Variants in MAP4 observed in about 807,000 individuals in gnomAD.
MAP4 encodes the protein microtubule associated protein 4, also known as microtubule-associated protein 4.
In MAP4, 76 loss-of-function variants were observed where a neutral mutation model predicts 170.2. That is an observed-to-expected ratio of 0.45 (90% CI 0.37 to 0.54). The LOEUF (loss-of-function observed/expected upper bound fraction) is 0.54, where lower values mean the gene tolerates loss of function less well. Ranked by LOEUF, MAP4 falls within the 20% of genes least tolerant of loss-of-function variation. MAP4 has a pLI of 0.00. For synonymous variants in MAP4, 909 were observed against 994.5 expected, an observed-to-expected ratio of 0.91 and a Z score of 1.62; for missense variants, 2,506 against 2,748.0, an observed-to-expected ratio of 0.91 and a Z score of 1.97.
chr3:47,883,931 T>C (rs1178042039), intron 10 of MAP4, among the ~76,000 whole-genome samples: 1 of 152,242 alleles, frequency 6.6e-6, no homozygotes, highest in Non-Finnish European at 1.5e-5. Context: ...TTTTTGTCTT[T>C]AGTTTATAAA....
chr3:48,020,886 G>T (rs146105517), upstream of MAP4, among the ~76,000 whole-genome samples: 798 of 151,846 alleles, frequency 5.3e-3, 2 homozygotes, highest in Middle Eastern at 0.027. Flanking sequence ...ACAGCTTCAA[G>T]CTCCTGGGCT....
At chr3:47,891,002 G>A in intron 10 of MAP4, 1 of 1,452,528 alleles carries the variant, frequency 6.9e-7, no homozygotes, top group African/African-American at 1.4e-5. Flanking sequence ...GTTCCCAATG[G>A]AGGCAAAATT....
chr3:47,975,501 G>A (rs772213904), intron 3 of MAP4: 1 of 1,427,184 alleles, frequency 7.0e-7, no homozygotes. Flanking sequence ...GGAAGAAGTA[G>A]GAAGGGGAAG....
At chr3:48,007,372 T>G (rs185991755) in intron 1 of MAP4, among the ~76,000 whole-genome samples, 12 of 152,292 alleles carry the variant, frequency 7.9e-5, no homozygotes, top group Admixed American at 7.8e-4. Context: ...CATATTTGGA[T>G]TTTGGAAGCA....
In MAP4 at chr3:47,910,215, A is replaced by G. The variant is rs749484065; in HGVS notation, c.4206T>C (p.Ile1402=). The G allele has an allele frequency of 3.1e-6, 5 of 1,612,406 alleles. No individual in the cohort carries two copies. The South Asian group carries it at 5.5e-5, about 18-fold the overall frequency. The stretch of plus-strand genomic sequence containing the variant: ...TTTCGTCCATATAGGCCATTCCTTC[A>G]ATTCCCTGGTCCCCTGTGGTTTCCA... ...VPMETTGDQG[I]EGMAYMDENR... is the part of the protein sequence containing the mutation. The change falls in exon 9 of 21, where the codon ATT becomes ATC. Residue 1402 remains isoleucine (I), a synonymous_variant. Coordinates refer to ENST00000683076, the MANE Select transcript of MAP4 (RefSeq NM_001385682.1).
intron 1 of MAP4, among the ~76,000 whole-genome samples, chr3:48,021,948 A>G (rs1172776650): frequency 6.6e-6 from 1 of 152,230 alleles, no homozygotes; most frequent in Non-Finnish European, 1.5e-5. Flanking sequence ...AATCACCAAG[A>G]AAGAGGCCAA....
At chr3:47,871,443 T>G (rs2092651151) in intron 13 of MAP4, among the ~76,000 whole-genome samples, 157 bp from the exon 14 acceptor site, 1 of 152,190 alleles carries the variant, frequency 6.6e-6, no homozygotes, top group Admixed American at 6.5e-5. Context: ...AATTAGATGG[T>G]CAGGCACTGA....
At chr3:47,854,101 A>AATTAAAAAC (rs2049922298) in intron 19 of MAP4, among the ~76,000 whole-genome samples, 2 of 152,194 alleles carry the variant, frequency 1.3e-5, no homozygotes, top group African/African-American at 4.8e-5. Context: ...GCATAGTGAG[A>AATTAAAAAC]AATAGGCCTC....
At position 47,984,840 on chromosome 3, in the gene MAP4, G is replaced by A. The variant is rs62260782; in HGVS notation, c.224-6907C>T. 7.6e-4 allele frequency among the ~76,000 whole-genome samples: 116 copies of A among 151,870 alleles called. 1 individual carries two copies. Among genetic ancestry groups the A allele is most frequent in the African/African-American group, 2.7e-3 (110 of 41,398 alleles). On this transcript the variant is annotated intron_variant, in intron 2 of 20. Transcript: ENST00000683076. Reference sequence around the variant, plus strand: ...AAAAATTAGCCAGGTGTGGTGGCACGCACCTGTAATCCCAGCTACTCAGGA... The same window carrying A: ...AAAAATTAGCCAGGTGTGGTGGCACACACCTGTAATCCCAGCTACTCAGGA...
chr3:48,053,609 G>A (rs2100129063), intron 1 of MAP4, among the ~76,000 whole-genome samples: 1 of 152,080 alleles, frequency 6.6e-6, no homozygotes, highest in Non-Finnish European at 1.5e-5. Flanking sequence ...GACTAAATCT[G>A]ATTTACTTCT....
chr3:47,995,066 C>T (rs2154358492), intron 2 of MAP4, among the ~76,000 whole-genome samples: 1 of 151,980 alleles, frequency 6.6e-6, no homozygotes, highest in South Asian at 2.1e-4. Context: ...ATTTGTTTTA[C>T]CGTACATCCC....
At chr3:47,887,455 C>G (rs955810163) in intron 10 of MAP4, among the ~76,000 whole-genome samples, 2 of 152,220 alleles carry the variant, frequency 1.3e-5, no homozygotes, top group Admixed American at 1.3e-4. Context: ...GGGCAGGGCT[C>G]GGGACCTGCA....
At chr3:48,036,764 C>T (rs2100118959) in intron 1 of MAP4, among the ~76,000 whole-genome samples, 1 of 152,154 alleles carries the variant, frequency 6.6e-6, no homozygotes, top group African/African-American at 2.4e-5. Context: ...GTGAAGGCGG[C>T]TGATGTAAAC....
intron 2 of MAP4, among the ~76,000 whole-genome samples, chr3:47,989,117 G>A (rs1247772815): frequency 6.6e-6 from 1 of 152,086 alleles, no homozygotes; most frequent in African/African-American, 2.4e-5. Context: ...AGCCAGAACA[G>A]GGGTTTAAAA....
intron 1 of MAP4, among the ~76,000 whole-genome samples, chr3:48,068,585 C>A (rs901513281): frequency 1.3e-5 from 2 of 151,810 alleles, no homozygotes; most frequent in Non-Finnish European, 2.9e-5. Context: ...GAGTTCCAGA[C>A]CAGCCCGGCC....
intron 1 of MAP4, among the ~76,000 whole-genome samples, chr3:48,011,850 A>C (rs2154434271): frequency 6.6e-6 from 1 of 152,308 alleles, no homozygotes; most frequent in African/African-American, 2.4e-5. Flanking sequence ...ATTAGTAGTT[A>C]TCCTTTGGGA....
At chr3:48,013,750 A>G (rs539439686) in intron 1 of MAP4, among the ~76,000 whole-genome samples, 1 of 151,006 alleles carries the variant, frequency 6.6e-6, no homozygotes, top group African/African-American at 2.4e-5. Flanking sequence ...GGAGGGACTG[A>G]AAACAAATTC....
At chr3:48,071,656 C>T (rs1217346737) in intron 1 of MAP4, among the ~76,000 whole-genome samples, 7 of 152,166 alleles carry the variant, frequency 4.6e-5, no homozygotes, top group Admixed American at 4.6e-4. Flanking sequence ...CGGGTGCAGT[C>T]GCTCACACCT....
chr3:48,065,457 C>G (rs1194022414), intron 1 of MAP4, among the ~76,000 whole-genome samples: 1 of 152,154 alleles, frequency 6.6e-6, no homozygotes, highest in Admixed American at 6.5e-5. Context: ...AATTCAAAGG[C>G]CACACAAGGC....
Sources: gnomAD v4.1 joint callset for allele counts (sites outside exome capture counted in the v4.1 genomes callset) on GRCh38, gnomAD v4.1.1 for gene constraint, MANE v1.5 for transcripts, NCBI Gene and HGNC (gene_info 2026-07-23, HGNC 2026-07-21) for gene names.